Variants in NPL observed in about 807,000 individuals in gnomAD.
NPL encodes N-acetylneuraminate pyruvate lyase.
NPL carries 32 observed loss-of-function variants against 41.1 expected under a neutral mutation model. The observed-to-expected ratio is 0.78, with a 90% CI of 0.59 to 1.05. NPL has a LOEUF of 1.05. NPL is among the 50% of genes least tolerant of loss of function. The pLI, the probability that NPL is intolerant of heterozygous loss-of-function variation, is 0.00. For missense variants in NPL, 321 were observed against 378.4 expected (o/e 0.85, Z 1.26); for synonymous variants, 128 against 134.9 (o/e 0.95, Z 0.35).
intron 4 of NPL, among the ~76,000 whole-genome samples, chr1:182,804,822 G>C (rs1034943771): frequency 2.0e-5 from 3 of 152,164 alleles, no homozygotes; most frequent in Admixed American, 2.0e-4. Context: ...ACTGAGACCT[G>C]ATTACAAAAC....
At chr1:182,816,097 G>T (rs1330544777) in intron 7 of NPL, among the ~76,000 whole-genome samples, 3 of 152,314 alleles carry the variant, frequency 2.0e-5, no homozygotes, top group South Asian at 4.1e-4. Context: ...AGTGCTGCTG[G>T]ACCTATCATC....
chr1:182,807,906 A>AAGCAC (rs1159433582), intron 5 of NPL, among the ~76,000 whole-genome samples: 3 of 151,236 alleles, frequency 2.0e-5, no homozygotes, highest in Non-Finnish European at 4.4e-5. Context: ...AAAAAAAAAA[A>AAGCAC]AAAGAACAGT....
intron 5 of NPL, among the ~76,000 whole-genome samples, chr1:182,806,870 C>G (rs1297051164): frequency 2.0e-5 from 3 of 152,188 alleles, no homozygotes; most frequent in Non-Finnish European, 4.4e-5. Context: ...GAGACGGAGT[C>G]TTGCTCTGTC....
intron 3 of NPL, chr1:182,795,960 AC>A (rs1666651161): frequency 6.6e-6 from 1 of 151,998 alleles, no homozygotes; most frequent in African/African-American, 2.4e-5. Flanking sequence ...TTCATCAGGG[AC>A]CCACGGACAA....
rs1357517094 is a variant in NPL, at chr1:182,828,039, T to A, written c.779-685T>A. Among the ~76,000 whole-genome samples, 1 of 152,210 alleles carries A rather than the reference T, an allele frequency of 6.6e-6. No individual in the cohort carries two copies. Among genetic ancestry groups the A allele is most frequent in the East Asian group, 1.9e-4 (1 of 5,200 alleles). On this transcript the variant is annotated intron_variant, in intron 12 of 12. Coordinates refer to ENST00000367553, the MANE Select transcript of NPL (RefSeq NM_030769.3). This position sits in a 1 kb window ranked among gnomAD's most constrained non-coding sequence, Gnocchi z 4.0. ...ACCTTTGGCTCAGGCTTGAGATTTCTTTCATGAGATCTGTTTCCATCCACA... is the reference window on the plus strand; with the variant it reads ...ACCTTTGGCTCAGGCTTGAGATTTCATTCATGAGATCTGTTTCCATCCACA...
At position 182,829,440 on chromosome 1, in the gene NPL, C is replaced by A; in HGVS notation, c.*532C>A. The A allele has an allele frequency of 7.0e-7, 1 of 1,429,108 alleles. No homozygotes were observed. The highest frequency in any genetic ancestry group is 1.4e-5 in the African/African-American group (1 of 69,398). 88.5% of individuals were successfully genotyped at this position (1,429,108 alleles called of 1,614,324 possible). Reference sequence around the variant, plus strand: ...GCTCAGTCTAACTCTAGAATGGATGCTTTTGAATTCATTTCGATGTCACCA... The same window carrying A: ...GCTCAGTCTAACTCTAGAATGGATGATTTTGAATTCATTTCGATGTCACCA... On this transcript the variant is annotated 3_prime_UTR_variant, in exon 13 of 13. Coordinates refer to ENST00000367553, the MANE Select transcript of NPL (RefSeq NM_030769.3).
intron 10 of NPL, 82 bp downstream of exon 10, chr1:182,818,941 G>A: frequency 8.7e-7 from 1 of 1,153,506 alleles, no homozygotes; most frequent in Non-Finnish European, 1.3e-6. Context: ...TTTCTTGCAT[G>A]TGTATCCTTT....
chr1:182,816,284 C>T (rs1201159240), intron 7 of NPL, among the ~76,000 whole-genome samples: 7 of 152,236 alleles, frequency 4.6e-5, no homozygotes, highest in Non-Finnish European at 1.0e-4. Flanking sequence ...CCTCTTGAAG[C>T]AGATATTGTT....
At position 182,829,484 on chromosome 1, in the gene NPL, C is replaced by T; in HGVS notation, c.*576C>T. 1 of 1,471,086 alleles carries T rather than the reference C, an allele frequency of 6.8e-7. No individual in the cohort carries two copies. The allele number at this position is 1,471,086 out of a possible 1,614,324, so 91.1% of individuals were successfully genotyped here. On this transcript the variant is annotated 3_prime_UTR_variant, in exon 13 of 13. Coordinates refer to ENST00000367553, the MANE Select transcript of NPL (RefSeq NM_030769.3). ...GTCACCACTTTTCGCTCTTTAAAAA[C>T]ACTGGGTCAGGTGAGGACTTGTTTC...
intron 5 of NPL, among the ~76,000 whole-genome samples, chr1:182,808,241 G>T (rs1667078578): frequency 6.6e-6 from 1 of 152,226 alleles, no homozygotes; most frequent in Non-Finnish European, 1.5e-5. Context: ...GCTAATGTAA[G>T]AATTCATTGT....
At chr1:182,796,344 C>T (rs1489849227) in intron 3 of NPL, among the ~76,000 whole-genome samples, 1 of 151,962 alleles carries the variant, frequency 6.6e-6, no homozygotes, top group Non-Finnish European at 1.5e-5. Flanking sequence ...CCACCAAGAA[C>T]ACGTAGGCTT....
At chr1:182,814,084 A>C (rs988168988) in intron 6 of NPL, among the ~76,000 whole-genome samples, 1 of 152,236 alleles carries the variant, frequency 6.6e-6, no homozygotes, top group African/African-American at 2.4e-5. Context: ...ACAAGTATCT[A>C]CTGGTTCCTT....
At chr1:182,819,768 T>C (rs1667439573) in intron 10 of NPL, among the ~76,000 whole-genome samples, 1 of 152,234 alleles carries the variant, frequency 6.6e-6, no homozygotes, top group Non-Finnish European at 1.5e-5. Flanking sequence ...TGGTGACCAG[T>C]GTCTCAAGGA....
chr1:182,820,739 C>T (rs773362847), intron 10 of NPL, among the ~76,000 whole-genome samples: 6 of 152,084 alleles, frequency 3.9e-5, no homozygotes, highest in Admixed American at 6.5e-5. Flanking sequence ...CTCACTATCG[C>T]GACAACAGCA....
At chr1:182,798,350 C>G (rs1398943839) in intron 3 of NPL, among the ~76,000 whole-genome samples, 2 of 151,844 alleles carry the variant, frequency 1.3e-5, no homozygotes, top group East Asian at 1.9e-4. Flanking sequence ...GCCTCAGCCT[C>G]CCGGGTAGCT....
intron 3 of NPL, among the ~76,000 whole-genome samples, chr1:182,795,096 A>ATC (rs1275983363): frequency 6.6e-6 from 1 of 151,870 alleles, no homozygotes; most frequent in Non-Finnish European, 1.5e-5. Context: ...AAAAAATCAG[A>ATC]TAACAAAAAG....
chr1:182,798,779 T>C (rs1666749391), intron 3 of NPL, among the ~76,000 whole-genome samples: 1 of 152,156 alleles, frequency 6.6e-6, no homozygotes, highest in Non-Finnish European at 1.5e-5. Context: ...TTAACAGTCT[T>C]TGGGAGACGA....
At chr1:182,812,236 G>T in intron 6 of NPL, 23 bp downstream of exon 6, 1 of 1,608,618 alleles carries the variant, frequency 6.2e-7, no homozygotes, top group Non-Finnish European at 8.5e-7. Flanking sequence ...TTCCATCTGG[G>T]AGAGACCATT....
In NPL at chr1:182,828,587, C is replaced by A; in HGVS notation, c.779-137C>A. On this transcript the variant is annotated intron_variant, in intron 12 of 12. Coordinates refer to ENST00000367553, the MANE Select transcript of NPL (RefSeq NM_030769.3). This position sits in a 1 kb window ranked among gnomAD's most constrained non-coding sequence, Gnocchi z 4.0. ...AATGATTGCTCATCTGTCATATTGA[C>A]TAGAAATGTTCCCATCTTTTGTTTT... 1 of 1,084,384 alleles carries A rather than the reference C, an allele frequency of 9.2e-7. No individual in the cohort carries two copies. Among genetic ancestry groups the A allele is most frequent in the Non-Finnish European group, 1.4e-6 (1 of 729,594 alleles). The allele number at this position is 1,084,384 out of a possible 1,614,324, so 67.2% of individuals were successfully genotyped here.
Sources: gnomAD v4.1 joint callset for allele counts (sites outside exome capture counted in the v4.1 genomes callset) on GRCh38, gnomAD v4.1.1 for gene constraint, Gnocchi (gnomAD v3.1) non-coding constraint, MANE v1.5 for transcripts, NCBI Gene and HGNC (gene_info 2026-07-23, HGNC 2026-07-21) for gene names.